Variants in SATB2 observed in about 807,000 individuals in gnomAD.
The protein encoded by SATB2 is SATB homeobox 2, also known as DNA-binding protein SATB2.
Under a neutral mutation model 73.4 loss-of-function variants are expected in SATB2, and 1 was observed. The ratio of observed to expected loss-of-function variants is 0.01; its 90% CI spans 0.00 to 0.06. The LOEUF (loss-of-function observed/expected upper bound fraction) is 0.06. Ranked by LOEUF, SATB2 falls within the 10% of genes least tolerant of loss-of-function variation. The pLI is 1.00. For synonymous variants in SATB2, 397 were observed against 367.0 expected, an observed-to-expected ratio of 1.08 and a Z score of -0.93; for missense variants, 459 against 945.8, an observed-to-expected ratio of 0.49 and a Z score of 6.75.
chr2:199,436,162 C>A (rs1691645314), intron 2 of SATB2, among the ~76,000 whole-genome samples: 1 of 152,114 alleles, frequency 6.6e-6, no homozygotes, highest in African/African-American at 2.4e-5. Flanking sequence ...AACTATAAAT[C>A]TTTCTCAAGT....
chr2:199,440,429 T>G (rs536563026), intron 2 of SATB2, among the ~76,000 whole-genome samples: 44 of 152,314 alleles, frequency 2.9e-4, no homozygotes, highest in African/African-American at 9.9e-4. Flanking sequence ...TTCTCCTTAA[T>G]CTCCTCAGCT....
intron 3 of SATB2, among the ~76,000 whole-genome samples, chr2:199,431,248 T>C (rs994070708): frequency 6.6e-6 from 1 of 152,228 alleles, no homozygotes; most frequent in Admixed American, 6.5e-5. Context: ...ATGCATACTA[T>C]TTGGTCTACA....
chr2:199,434,689 AAAG>A (rs1444592623), intron 2 of SATB2, among the ~76,000 whole-genome samples: 2 of 152,128 alleles, frequency 1.3e-5, no homozygotes, highest in Admixed American at 1.3e-4. Flanking sequence ...TTCACAACAA[AAAG>A]AAGACCTCTG....
upstream of SATB2, among the ~76,000 whole-genome samples, chr2:199,459,122 C>T (rs1692398410): frequency 6.6e-6 from 1 of 152,006 alleles, no homozygotes; most frequent in African/African-American, 2.4e-5. This position sits in a 1 kb window ranked among gnomAD's most constrained non-coding sequence, Gnocchi z 4.2. Context: ...GCGGTGGCGG[C>T]GAGGGCGGTG....
chr2:199,317,276 T>C (rs1687761720), intron 9 of SATB2, among the ~76,000 whole-genome samples: 1 of 152,046 alleles, frequency 6.6e-6, no homozygotes, highest in East Asian at 1.9e-4. Flanking sequence ...GAAAAGAAGA[T>C]TAAATAGTCT....
intron 4 of SATB2, among the ~76,000 whole-genome samples, 174 bp downstream of exon 4, chr2:199,381,520 C>T (rs1053411627): frequency 6.6e-6 from 1 of 152,198 alleles, no homozygotes; most frequent in African/African-American, 2.4e-5. Context: ...ACTATAAAGA[C>T]ACCTGGGGAA....
chr2:199,458,588 G>C, upstream of SATB2: 1 of 430,016 alleles, frequency 2.3e-6, no homozygotes, highest in Non-Finnish European at 4.6e-6. Context: ...AGGCGCACTC[G>C]TCCCGGCGCG....
chr2:199,276,249 C>A (rs1394485063), intron 10 of SATB2, among the ~76,000 whole-genome samples: 1 of 152,174 alleles, frequency 6.6e-6, no homozygotes, highest in Non-Finnish European at 1.5e-5. Flanking sequence ...AGAATCAAGT[C>A]ATCTTTTCTT....
chr2:199,365,893 G>A (rs892960279), intron 6 of SATB2, among the ~76,000 whole-genome samples: 1 of 151,828 alleles, frequency 6.6e-6, no homozygotes, highest in African/African-American at 2.4e-5. Flanking sequence ...ATTTCTATGA[G>A]AAGAGAAAAA....
At chr2:199,381,926 C>T (rs189844636) in intron 3 of SATB2, 106 bp from the exon 4 acceptor site, 4 of 1,296,316 alleles carry the variant, frequency 3.1e-6, no homozygotes, top group Middle Eastern at 2.3e-4. Context: ...CATCCAAGGC[C>T]CACTCAGATA....
In SATB2 at chr2:199,308,077, T is replaced by C. The variant is rs1687486454; in HGVS notation, c.1740+683A>G. On this transcript the variant is annotated intron_variant, in intron 10 of 10. Transcript: ENST00000417098. The surrounding 1 kb of genome is among the most constrained non-coding windows in gnomAD (Gnocchi z 4.6). ...TGGAAACCTCAACTAATATTTCTTC[T>C]TAAAAGCAATTAATTTTAGACTATG... Among the ~76,000 whole-genome samples the C allele has an allele frequency of 6.6e-6, 1 of 152,198 alleles. No homozygotes were observed. The highest frequency in any genetic ancestry group is 1.5e-5 in the Non-Finnish European group (1 of 68,038).
At chr2:199,423,211 T>G (rs1381221226) in intron 3 of SATB2, among the ~76,000 whole-genome samples, 1 of 152,116 alleles carries the variant, frequency 6.6e-6, no homozygotes, top group African/African-American at 2.4e-5. Flanking sequence ...AGTTGCTTAT[T>G]TTCCATCTCC....
chr2:199,395,784 T>C (rs1275727242), intron 3 of SATB2: 1 of 152,238 alleles, frequency 6.6e-6, no homozygotes, highest in Non-Finnish European at 1.5e-5. Flanking sequence ...AGACACAAAA[T>C]ACTGGGTTGG....
chr2:199,335,416 C>T (rs894185887), intron 7 of SATB2, among the ~76,000 whole-genome samples: 6 of 152,148 alleles, frequency 3.9e-5, no homozygotes, highest in Non-Finnish European at 5.9e-5. Context: ...TATGTATGTA[C>T]AGTACACTGC....
chr2:199,403,092 T>C (rs1214597695), intron 3 of SATB2, among the ~76,000 whole-genome samples: 4 of 152,206 alleles, frequency 2.6e-5, no homozygotes, highest in African/African-American at 7.2e-5. Flanking sequence ...TTAAAATTAT[T>C]GTCTATTATC....
At chr2:199,336,883 T>G (rs1291338358) in intron 7 of SATB2, among the ~76,000 whole-genome samples, 1 of 152,132 alleles carries the variant, frequency 6.6e-6, no homozygotes, top group Non-Finnish European at 1.5e-5. Flanking sequence ...TATCAATTAA[T>G]CTCCCTATGG....
Position 199,272,035 on chromosome 2 carries a change from G to A in SATB2, c.*176C>T, listed in dbSNP as rs556296849. The A allele has an allele frequency of 1.0e-5, 7 of 674,594 alleles. No individual in the cohort carries two copies. Among genetic ancestry groups the A allele is most frequent in the Non-Finnish European group, 1.8e-5 (7 of 382,364 alleles). The allele number at this position is 674,594 out of a possible 1,614,324, so 41.8% of individuals were successfully genotyped here. Reference sequence around the variant, plus strand: ...CTTATTCAGTCTATAGGTGTATCCTGTGCAACAAAGAAATGTCCAAAAGGG... The same window carrying A: ...CTTATTCAGTCTATAGGTGTATCCTATGCAACAAAGAAATGTCCAAAAGGG... On this transcript the variant is annotated 3_prime_UTR_variant, in exon 11 of 11. Transcript: ENST00000417098. The surrounding 1 kb of genome is among the most constrained non-coding windows in gnomAD (Gnocchi z 6.7).
intron 6 of SATB2, among the ~76,000 whole-genome samples, chr2:199,355,194 A>C (rs959299065): frequency 1.3e-5 from 2 of 150,868 alleles, no homozygotes; most frequent in South Asian, 2.1e-4. Context: ...ACATATACAC[A>C]CTATATATGT....
chr2:199,347,965 T>G (rs796973363), intron 7 of SATB2: 2 of 152,344 alleles, frequency 1.3e-5, no homozygotes, highest in African/African-American at 4.8e-5. Context: ...AACTATGGGA[T>G]GAGGCCCAGC....
Sources: gnomAD v4.1 joint callset for allele counts (sites outside exome capture counted in the v4.1 genomes callset) on GRCh38, gnomAD v4.1.1 for gene constraint, Gnocchi (gnomAD v3.1) non-coding constraint, MANE v1.5 for transcripts, NCBI Gene and HGNC (gene_info 2026-07-23, HGNC 2026-07-21) for gene names.